Variants in WDPCP observed in about 807,000 individuals in gnomAD.
WDPCP encodes WD repeat-containing and planar cell polarity effector protein fritz homolog.
In WDPCP, 71 loss-of-function variants were observed where a neutral mutation model predicts 93.1. That is an observed-to-expected ratio of 0.76 (90% CI 0.63 to 0.93). WDPCP has a LOEUF of 0.93. Ranked by LOEUF, WDPCP falls within the 40% of genes least tolerant of loss-of-function variation. WDPCP has a pLI of 0.00. For synonymous variants in WDPCP, 315 were observed against 315.0 expected (o/e 1.00, Z 0.00); for missense variants, 844 against 887.4 (o/e 0.95, Z 0.62).
At chr2:63,396,702 G>T (rs2105091224) in intron 10 of WDPCP, among the ~76,000 whole-genome samples, 1 of 152,024 alleles carries the variant, frequency 6.6e-6, no homozygotes, top group Non-Finnish European at 1.5e-5. Context: ...ACATGTGAAG[G>T]TTTGTTACGT....
Position 63,599,700 on chromosome 2 carries a change from G to T in WDPCP, n.488+50959C>A, listed in dbSNP as rs77976576. ...GTGTGGTTCTGCTTCTATTTTAGCTGCAGCTAAGCCATCAAATTCAGATTT... is the reference window on the plus strand; with the variant it reads ...GTGTGGTTCTGCTTCTATTTTAGCTTCAGCTAAGCCATCAAATTCAGATTT... On this transcript the variant is annotated intron_variant and non_coding_transcript_variant, in intron 3 of 4. Coordinates refer to the WDPCP transcript ENST00000467687. 8.4e-3 allele frequency: 1,282 copies of T among 152,358 alleles called. 4 individuals are homozygous for T. The highest frequency in any genetic ancestry group is 0.013 in the Non-Finnish European group (900 of 68,120). 9.4% of individuals were successfully genotyped at this position (152,358 alleles called of 1,614,324 possible).
chr2:63,801,807 C>T (rs1051691263), intron 2 of WDPCP, among the ~76,000 whole-genome samples: 5 of 152,156 alleles, frequency 3.3e-5, no homozygotes, highest in African/African-American at 1.2e-4. Context: ...CCTCACCTCT[C>T]AATGACATGG....
In WDPCP at chr2:63,797,671, C is replaced by T. The variant is rs568250955; in HGVS notation, n.308+15951G>A. Among the ~76,000 whole-genome samples, 26 of 151,716 alleles carry T rather than the reference C, an allele frequency of 1.7e-4. No individual in the cohort carries two copies. In the South Asian group the frequency reaches 4.8e-3, roughly 28 times the overall value. On this transcript the variant is annotated intron_variant and non_coding_transcript_variant, in intron 2 of 4. Coordinates refer to the WDPCP transcript ENST00000467687. ...ACTAAAGAAAAAAGAATAAAGCACA[C>T]CTACAAAATCTAGAAAATAGGCTCA...
chr2:63,680,148 C>T (rs922315170), intron 2 of WDPCP, among the ~76,000 whole-genome samples: 2 of 152,218 alleles, frequency 1.3e-5, no homozygotes, highest in Admixed American at 6.5e-5. Flanking sequence ...CACTGATCAC[C>T]TCCCCAAGAG....
chr2:63,185,500 G>A (rs1674559995), intron 14 of WDPCP, among the ~76,000 whole-genome samples: 1 of 151,920 alleles, frequency 6.6e-6, no homozygotes, highest in African/African-American at 2.4e-5. Flanking sequence ...GACTATGTAT[G>A]AATTCCTTGG....
upstream of WDPCP, chr2:63,593,336 C>T (rs887865561): frequency 9.1e-5 from 26 of 285,798 alleles, no homozygotes; most frequent in Middle Eastern, 1.3e-3. Flanking sequence ...TCAGGTGATC[C>T]GCCTGCCTCA....
At chr2:63,404,022 C>A in intron 10 of WDPCP, 26 bp downstream of exon 10, 4 of 1,613,580 alleles carry the variant, frequency 2.5e-6, no homozygotes, top group Non-Finnish European at 3.4e-6. Flanking sequence ...TTTTAATTTA[C>A]TTACTCATCA....
upstream of WDPCP, chr2:63,593,513 A>G: frequency 2.1e-6 from 1 of 470,344 alleles, no homozygotes; most frequent in East Asian, 6.9e-5. Flanking sequence ...CTTCGAGGCT[A>G]TCCATCCTTG....
rs570772492 is a variant in WDPCP at position 63,287,205 on chromosome 2, A to G, written c.1812+26043T>C. 2.0e-4 allele frequency among the ~76,000 whole-genome samples: 31 copies of G among 152,150 alleles called. 1 individual carries two copies. The highest frequency in any genetic ancestry group is 8.3e-4 in the South Asian group (4 of 4,824). On this transcript the variant is annotated intron_variant, in intron 13 of 17. Transcript: ENST00000272321. The stretch of plus-strand genomic sequence containing the variant: ...CTTAATTACCTCCTTCAAAGGTTCT[A>G]TCTCCAAATATAGTCACATTGAAGG...
At chr2:63,771,737 G>A (rs1429536061) in intron 2 of WDPCP, among the ~76,000 whole-genome samples, 2 of 151,896 alleles carry the variant, frequency 1.3e-5, no homozygotes, top group Middle Eastern at 3.4e-3. Flanking sequence ...TGTCTATTGT[G>A]CTTATCTTTG....
chr2:63,171,522 T>C lies in WDPCP; in HGVS notation c.2078+3148A>G, dbSNP rs918735760. The stretch of plus-strand genomic sequence containing the variant: ...ACAGAATAGTTATAATAAAAAAACA[T>C]TGACAATATTAAATATTGGTGAGGA... On this transcript the variant is annotated intron_variant, in intron 15 of 17. Coordinates refer to ENST00000272321, the MANE Select transcript of WDPCP (RefSeq NM_015910.7). Among the ~76,000 whole-genome samples, 6 of 152,316 alleles carry C rather than the reference T, an allele frequency of 3.9e-5. No individual in the cohort carries two copies. The East Asian group carries it at 1.2e-3, about 29-fold the overall frequency.
intron 9 of WDPCP, among the ~76,000 whole-genome samples, chr2:63,430,961 A>T (rs1244429512): frequency 1.3e-5 from 2 of 152,218 alleles, no homozygotes; most frequent in African/African-American, 2.4e-5. Context: ...AAAATAATTT[A>T]AAAATGTTTC....
At chr2:63,589,002 C>G, upstream of WDPCP, 2 of 1,614,200 alleles carry the variant, frequency 1.2e-6, no homozygotes, top group South Asian at 1.1e-5. Context: ...CTCTCTGAGG[C>G]TCATTTTGCA....
chr2:63,138,256 C>T (rs1412784340), intron 17 of WDPCP, among the ~76,000 whole-genome samples: 1 of 151,984 alleles, frequency 6.6e-6, no homozygotes, highest in Non-Finnish European at 1.5e-5. Flanking sequence ...TTACAGTTCA[C>T]ATTTAACTCT....
chr2:63,593,389 T>C, upstream of WDPCP: 6 of 365,550 alleles, frequency 1.6e-5, no homozygotes, highest in Non-Finnish European at 3.3e-5. Flanking sequence ...CCACCATCCC[T>C]GGCCTGACAC....
At position 63,606,974 on chromosome 2, in the gene WDPCP, T is replaced by C. The variant is rs14777; in HGVS notation, n.488+43685A>G. Reference sequence around the variant, plus strand: ...GAAAAAGAAAGTGCTTTTGAATTTCTTTCCTCTGCCTGACTAGACAATGAT... The same window carrying C: ...GAAAAAGAAAGTGCTTTTGAATTTCCTTCCTCTGCCTGACTAGACAATGAT... On this transcript the variant is annotated intron_variant and non_coding_transcript_variant, in intron 3 of 4. Coordinates refer to the WDPCP transcript ENST00000467687. 2 of 1,612,000 alleles carry C rather than the reference T, an allele frequency of 1.2e-6. No individual in the cohort carries two copies. The highest frequency in any genetic ancestry group is 1.7e-5 in the Admixed American group (1 of 59,796).
intron 6 of WDPCP, among the ~76,000 whole-genome samples, chr2:63,470,018 G>C (rs1699602364): frequency 6.6e-6 from 1 of 152,200 alleles, no homozygotes; most frequent in Non-Finnish European, 1.5e-5. Flanking sequence ...CTTTATTCTT[G>C]AAACTTGGTT....
chr2:63,461,816 G>A (rs973225053), intron 6 of WDPCP, among the ~76,000 whole-genome samples: 2 of 152,144 alleles, frequency 1.3e-5, no homozygotes, highest in Non-Finnish European at 2.9e-5. Flanking sequence ...CCTTACCCAC[G>A]TTTCTCTATC....
At position 63,404,430 on chromosome 2, in the gene WDPCP, T is replaced by G. The variant is rs1278753501; in HGVS notation, c.1053A>C (p.Lys351Asn). The G allele has an allele frequency of 1.2e-6, 2 of 1,614,174 alleles. No individual in the cohort carries two copies. Among genetic ancestry groups the G allele is most frequent in the Admixed American group, 1.7e-5 (1 of 60,010 alleles). Residue 351 changes from lysine to asparagine, a missense_variant, in exon 10 of 18, where the codon AAA becomes AAC. Transcript: ENST00000272321. ...ISCCRNVTED[K>N]LILGCEDSSL... ...AAGAATCTTCACAGCCCAGAATCAG[T>G]TTGTCTTCAGTAACATTCCTGCAGC...
Sources: gnomAD v4.1 joint callset for allele counts (sites outside exome capture counted in the v4.1 genomes callset) on GRCh38, gnomAD v4.1.1 for gene constraint, MANE v1.5 for transcripts, NCBI Gene and HGNC (gene_info 2026-07-23, HGNC 2026-07-21) for gene names.